The following PIP5KL1 variants were observed in gnomAD, a reference collection of about 807,000 sequenced individuals.
PIP5KL1 encodes the protein phosphatidylinositol-4-phosphate 5-kinase like 1.
In PIP5KL1, 45 loss-of-function variants were observed where a neutral mutation model predicts 47.6. The ratio of observed to expected loss-of-function variants is 0.94; its 90% CI spans 0.74 to 1.21. PIP5KL1 has a LOEUF of 1.21. Ranked by LOEUF, PIP5KL1 falls within the 50% of genes most tolerant of loss-of-function variation. The pLI, the probability that PIP5KL1 is intolerant of heterozygous loss-of-function variation, is 0.00. For missense variants in PIP5KL1, 577 were observed against 547.6 expected (o/e 1.05, Z -0.54); for synonymous variants, 256 against 234.6 (o/e 1.09, Z -0.84).
At chr9:127,925,706 C>T in intron 8 of PIP5KL1, 161 bp downstream of exon 8, 2 of 642,844 alleles carry the variant, frequency 3.1e-6, no homozygotes. Flanking sequence ...CCTCGTAATC[C>T]ACCTGTCTCG....
intron 1 of PIP5KL1, 142 bp downstream of exon 1, chr9:127,930,581 G>C: frequency 9.7e-7 from 1 of 1,032,828 alleles, no homozygotes; most frequent in Non-Finnish European, 1.3e-6. Context: ...GGCGCCCCGT[G>C]TGGGGCGTGT....
chr9:127,927,601 G>A lies in PIP5KL1; in HGVS notation c.559+47C>T, dbSNP rs1170622939. 5 of 745,880 alleles carry A rather than the reference G, an allele frequency of 6.7e-6. No individual in the cohort carries two copies. Among genetic ancestry groups the A allele is most frequent in the Non-Finnish European group, 7.6e-6 (4 of 524,142 alleles). The allele number at this position is 745,880 out of a possible 1,614,324, so 46.2% of individuals were successfully genotyped here. On this transcript the variant is annotated intron_variant, in intron 5 of 9. Transcript: ENST00000388747. This position sits in a 1 kb window ranked among gnomAD's most constrained non-coding sequence, Gnocchi z 5.5. ...CATACCCCGCCCTCCCCAGGTATAT[G>A]ATGACCTAGGACCCGCCCCCACCGA...
rs1362015509 is a variant in PIP5KL1 at position 127,927,708 on chromosome 9, G to A, written c.499C>T (p.Leu167=). The A allele has an allele frequency of 3.2e-6, 5 of 1,549,154 alleles. No individual in the cohort carries two copies. The highest frequency in any genetic ancestry group is 4.4e-6 in the Non-Finnish European group (5 of 1,147,760). Residue 167 remains leucine, a synonymous_variant, in exon 5 of 10, where the codon CTG becomes TTG. Coordinates refer to ENST00000388747, the MANE Select transcript of PIP5KL1 (RefSeq NM_001135219.2). This position sits in a 1 kb window ranked among gnomAD's most constrained non-coding sequence, Gnocchi z 5.5. ...TGCAGGTGCTGCACGTAGCGGGGCA[G>A]GTGGGCGAGCAGAGCCTGCACCTCT... ...RREVQALLAH[L]PRYVQHLQRH... is the part of the protein sequence containing the mutation.
Position 127,922,024 on chromosome 9 carries a change from G to T in PIP5KL1, c.1008C>A (p.Asp336Glu). The T allele has an allele frequency of 6.3e-7, 1 of 1,574,936 alleles. No individual in the cohort carries two copies. The highest frequency in any genetic ancestry group is 8.6e-7 in the Non-Finnish European group (1 of 1,161,556). Reference sequence around the variant, plus strand: ...CCAGGAAATAGCGCTGCTCGGGCCCGTCCAGGATGTGTAGGGCGTTGGGGG... The same window carrying T: ...CCAGGAAATAGCGCTGCTCGGGCCCTTCCAGGATGTGTAGGGCGTTGGGGG... ...PDAPNALHIL[D>E]GPEQRYFLGV... Residue 336 changes from aspartate (D) to glutamate (E), a missense_variant, in exon 10 of 10, where the codon GAC becomes GAA. By Grantham distance (45) the Asp-to-Glu change is conservative. Coordinates refer to ENST00000388747, the MANE Select transcript of PIP5KL1 (RefSeq NM_001135219.2).
At chr9:127,930,642 T>A (rs902001468) in intron 1 of PIP5KL1, 81 bp downstream of exon 1, 2 of 1,433,592 alleles carry the variant, frequency 1.4e-6, no homozygotes, top group South Asian at 1.4e-5. Context: ...TGGGGGCGTG[T>A]CCGCGCCGCT....
chr9:127,926,763 C>T lies in PIP5KL1; in HGVS notation c.650+390G>A, dbSNP rs368956059. Among the ~76,000 whole-genome samples, 19 of 152,274 alleles carry T rather than the reference C, an allele frequency of 1.2e-4. No homozygotes were observed. The East Asian group carries it at 2.9e-3, about 23-fold the overall frequency. ...GGACGGCTTGGGGGCAGCCAATGGC[C>T]GGGGGGCGGGGAACCTGTGGGTAGA... On this transcript the variant is annotated intron_variant, in intron 7 of 9. Coordinates refer to ENST00000388747, the MANE Select transcript of PIP5KL1 (RefSeq NM_001135219.2).
intron 9 of PIP5KL1, among the ~76,000 whole-genome samples, chr9:127,923,114 T>C (rs1200370164): frequency 6.6e-6 from 1 of 152,256 alleles, no homozygotes; most frequent in Non-Finnish European, 1.5e-5. Flanking sequence ...TCTATGGTTT[T>C]GCCTCAAAAT....
Position 127,928,210 on chromosome 9 carries a change from G to A in PIP5KL1, c.289C>T (p.Leu97=). 1.6e-5 allele frequency: 25 copies of A among 1,536,792 alleles called. No homozygotes were observed. The highest frequency in any genetic ancestry group is 2.2e-5 in the Non-Finnish European group (25 of 1,141,964). ...AAGGCGGGGCCGGCCAGCGTGCCCA[G>A]CTCGAAGCCCTGCAGGGGAGGAAGA... The part of the protein sequence containing the change: ...VLTQVHEGFE[L]GTLAGPAFAW... The change falls in exon 4 of 10, where the codon CTG becomes TTG. Residue 97 remains leucine, a synonymous_variant. Coordinates refer to ENST00000388747, the MANE Select transcript of PIP5KL1 (RefSeq NM_001135219.2).
At position 127,925,799 on chromosome 9, in the gene PIP5KL1, C is replaced by T. The variant is rs1375926978; in HGVS notation, c.763+68G>A. 5.3e-6 allele frequency: 7 copies of T among 1,326,178 alleles called. No individual in the cohort carries two copies. In the African/African-American group the frequency reaches 7.2e-5, roughly 14 times the overall value. 82.2% of individuals were successfully genotyped at this position (1,326,178 alleles called of 1,614,324 possible). A position where few individuals can be genotyped will look rare whatever the true frequency, so the allele number is the denominator to read the frequency against. On this transcript the variant is annotated intron_variant, in intron 8 of 9. Coordinates refer to ENST00000388747, the MANE Select transcript of PIP5KL1 (RefSeq NM_001135219.2). ...TCTTAATAACTCAGGCAGAGGGCAG[C>T]AGGGACACCCTTCTAAACTTCACCC...
chr9:127,922,910 A>G (rs1414639843), intron 9 of PIP5KL1, among the ~76,000 whole-genome samples: 1 of 152,114 alleles, frequency 6.6e-6, no homozygotes, highest in African/African-American at 2.4e-5. Context: ...CTTGAATTAT[A>G]TTTCTACTGG....
rs747061417 is a variant in PIP5KL1, at chr9:127,925,112, C to T, written c.912G>A (p.Thr304=). Residue 304 remains threonine, a synonymous_variant, in exon 9 of 10, where the codon ACG becomes ACA. Transcript: ENST00000388747. ...TGCCCCTGTGGGAGGCTCACCTGGC[C>T]GTGCGGAAGATGAGGCTGCTGCCCG... ...RGPGSSLIFR[T]ARSVQGAQSP... 2.4e-5 allele frequency: 38 copies of T among 1,613,764 alleles called. No individual in the cohort carries two copies. Among genetic ancestry groups the T allele is most frequent in the South Asian group, 4.4e-5 (4 of 91,026 alleles).
chr9:127,927,170 G>C lies in PIP5KL1; in HGVS notation c.633C>G (p.Ala211=). The C allele has an allele frequency of 1.2e-6, 2 of 1,611,588 alleles. No homozygotes were observed. The highest frequency in any genetic ancestry group is 1.3e-5 in the African/African-American group (1 of 74,998). ...CCACTCACCTCTCGGAGATGCGGCCGGCGGGGTAGAAGACGCTCTGCATGA... is the reference window on the plus strand; with the variant it reads ...CCACTCACCTCTCGGAGATGCGGCCCGCGGGGTAGAAGACGCTCTGCATGA... ...FIVMQSVFYP[A]GRISERYDIK... The change falls in exon 7 of 10, where the codon GCC becomes GCG. Residue 211 remains alanine (A), a synonymous_variant. Coordinates refer to ENST00000388747, the MANE Select transcript of PIP5KL1 (RefSeq NM_001135219.2). The surrounding 1 kb of genome is among the most constrained non-coding windows in gnomAD (Gnocchi z 5.5).
At position 127,927,856 on chromosome 9, in the gene PIP5KL1, G is replaced by T; in HGVS notation, c.435-84C>A. 1 of 1,506,250 alleles carries T rather than the reference G, an allele frequency of 6.6e-7. No homozygotes were observed. Among genetic ancestry groups the T allele is most frequent in the South Asian group, 1.3e-5 (1 of 79,020 alleles). 93.3% of individuals were successfully genotyped at this position (1,506,250 alleles called of 1,614,324 possible). ...CCCCCTTCCCCGACCTGTGCACGTG[G>T]ATCTCGCTCCCAGGTCTCGGCACCG... On this transcript the variant is annotated intron_variant, in intron 4 of 9. Transcript: ENST00000388747. The surrounding 1 kb of genome is among the most constrained non-coding windows in gnomAD (Gnocchi z 5.5).
chr9:127,928,097 G>T lies in PIP5KL1; in HGVS notation c.402C>A (p.Ser134Arg). ...AGAAGCTGGCCTTGCTCTTGGAGGT[G>T]CTGAGGAACTGCAGGTAGGGGCCGC... ...GPGGPYLQFL[S>R]TSKSKASFFL... The change falls in exon 4 of 10, where the codon AGC (serine) becomes AGA (arginine). Residue 134 changes from serine to arginine, a missense_variant. Physicochemically the swap from Ser to Arg is moderately radical, Grantham distance 110. Coordinates refer to ENST00000388747, the MANE Select transcript of PIP5KL1 (RefSeq NM_001135219.2). 6.4e-7 allele frequency: 1 copy of T among 1,574,676 alleles called. No homozygotes were observed. The highest frequency in any genetic ancestry group is 8.6e-7 in the Non-Finnish European group (1 of 1,161,744).
At position 127,927,267 on chromosome 9, in the gene PIP5KL1, G is replaced by A. The variant is rs769766043; in HGVS notation, c.594+30C>T. 6.8e-6 allele frequency: 11 copies of A among 1,611,240 alleles called. No homozygotes were observed. In the South Asian group the frequency reaches 1.2e-4, roughly 18 times the overall value. ...CTGTCGCCCTCCAGCCGCCCGCTCCGCCCAGCCACCTCGCCTCGGCTTCAC... is the reference window on the plus strand; with the variant it reads ...CTGTCGCCCTCCAGCCGCCCGCTCCACCCAGCCACCTCGCCTCGGCTTCAC... On this transcript the variant is annotated intron_variant, in intron 6 of 9. Coordinates refer to ENST00000388747, the MANE Select transcript of PIP5KL1 (RefSeq NM_001135219.2). This position sits in a 1 kb window ranked among gnomAD's most constrained non-coding sequence, Gnocchi z 5.5.
chr9:127,922,555 G>A (rs1831299811), intron 9 of PIP5KL1, among the ~76,000 whole-genome samples: 1 of 151,970 alleles, frequency 6.6e-6, no homozygotes, highest in Non-Finnish European at 1.5e-5. Context: ...CTAGCCAGGT[G>A]TGGTGGCGGA....
intron 8 of PIP5KL1, 124 bp downstream of exon 8, chr9:127,925,743 C>T (rs745963173): frequency 1.7e-5 from 14 of 802,630 alleles, no homozygotes; most frequent in South Asian, 4.4e-5. Flanking sequence ...GAATTACAGG[C>T]GTGAGCCACG....
chr9:127,928,699 C>G lies in PIP5KL1; in HGVS notation c.229-216G>C, dbSNP rs1309213204. 1.0e-5 allele frequency: 6 copies of G among 590,770 alleles called. No individual in the cohort carries two copies. In the Admixed American group the frequency reaches 1.8e-4, roughly 18 times the overall value. 36.6% of individuals were successfully genotyped at this position (590,770 alleles called of 1,614,324 possible). On this transcript the variant is annotated intron_variant, in intron 2 of 9. Transcript: ENST00000388747. ...GGACAAGAGTGACCCACGGCAAGGC[C>G]TGAGTGTATCTCATCCACTCTGGAT...
At position 127,927,210 on chromosome 9, in the gene PIP5KL1, TG is replaced by T; in HGVS notation, c.595-3del. On this transcript the variant is annotated splice_polypyrimidine_tract_variant and splice_region_variant and intron_variant, in intron 6 of 9. Transcript: ENST00000388747. This position sits in a 1 kb window ranked among gnomAD's most constrained non-coding sequence, Gnocchi z 5.5. ...GCTCTGCATGACGATGAAGTACGTC[TG>T]GGGGCCGGGACAGGGAGTGAGGGAG... The T allele has an allele frequency of 1.2e-6, 2 of 1,613,160 alleles. No individual in the cohort carries two copies. Among genetic ancestry groups the T allele is most frequent in the Non-Finnish European group, 1.7e-6 (2 of 1,179,762 alleles).
Sources: gnomAD v4.1 joint callset for allele counts (sites outside exome capture counted in the v4.1 genomes callset) on GRCh38, gnomAD v4.1.1 for gene constraint, Gnocchi (gnomAD v3.1) non-coding constraint, MANE v1.5 for transcripts, NCBI Gene and HGNC (gene_info 2026-07-23, HGNC 2026-07-21) for gene names.